Variants in TNRC6B observed in about 807,000 individuals in gnomAD.
TNRC6B encodes trinucleotide repeat-containing gene 6B protein.
TNRC6B carries 52 observed loss-of-function variants against 203.6 expected under a neutral mutation model. That is an observed-to-expected ratio of 0.26 (90% CI 0.20 to 0.32). The LOEUF is 0.32. Ranked by LOEUF, TNRC6B falls within the 10% of genes least tolerant of loss-of-function variation. The pLI, the probability that TNRC6B is intolerant of heterozygous loss-of-function variation, is 1.00. For missense variants in TNRC6B, 1,923 were observed against 2,286.2 expected (o/e 0.84, Z 3.24); for synonymous variants, 838 against 845.7 (o/e 0.99, Z 0.16).
intron 2 of TNRC6B, 170 bp downstream of exon 2, chr22:40,246,272 C>T (rs2146471368): frequency 4.7e-6 from 2 of 426,384 alleles, no homozygotes; most frequent in East Asian, 4.2e-5. Flanking sequence ...TCACTACAAC[C>T]TCCGCTTCCC....
chr22:40,201,581 G>A (rs959696929), intron 1 of TNRC6B, among the ~76,000 whole-genome samples: 17 of 151,686 alleles, frequency 1.1e-4, no homozygotes, highest in Admixed American at 5.3e-4. Context: ...GACTACAGGC[G>A]TACTCTACTA....
chr22:40,225,889 G>C (rs1421592102), intron 1 of TNRC6B, among the ~76,000 whole-genome samples: 1 of 152,140 alleles, frequency 6.6e-6, no homozygotes, highest in Non-Finnish European at 1.5e-5. Flanking sequence ...GTTGAACTGT[G>C]TGTATAGAGA....
chr22:40,111,883 A>G (rs1020266937), intron 1 of TNRC6B, among the ~76,000 whole-genome samples: 1 of 152,200 alleles, frequency 6.6e-6, no homozygotes, highest in African/African-American at 2.4e-5. Context: ...CGGGTGGATC[A>G]CGAGGTCAGG....
rs117287068 is a variant in TNRC6B at position 40,086,628 on chromosome 22, T to A, written c.-120-30427T>A. ...ATGCTTGAACAATGGATGACAGACT[T>A]TTTAATAGATACTTATCAGAATATC... On this transcript the variant is annotated intron_variant, in intron 1 of 23. Coordinates refer to the TNRC6B transcript ENST00000301923. Among the ~76,000 whole-genome samples, 925 of 152,340 alleles carry A rather than the reference T, an allele frequency of 6.1e-3. 4 individuals carry two copies. The highest frequency in any genetic ancestry group is 0.017 in the Middle Eastern group (5 of 294).
At chr22:40,139,361 T>G (rs962622758) in intron 3 of TNRC6B, among the ~76,000 whole-genome samples, 14 of 147,566 alleles carry the variant, frequency 9.5e-5, no homozygotes, top group African/African-American at 3.5e-4. Context: ...GGAGTCTTGC[T>G]CTATGGCCCA....
intron 1 of TNRC6B, among the ~76,000 whole-genome samples, chr22:40,228,485 G>A (rs2069822371): frequency 6.6e-6 from 1 of 150,870 alleles, no homozygotes; most frequent in Non-Finnish European, 1.5e-5. Context: ...ATGTATGTAT[G>A]TTAGAGTATG....
chr22:40,144,411 C>T (rs2068672525), intron 3 of TNRC6B, among the ~76,000 whole-genome samples: 1 of 152,192 alleles, frequency 6.6e-6, no homozygotes, highest in South Asian at 2.1e-4. Flanking sequence ...CGCAGTGGCT[C>T]CCGCCTGTAA....
chr22:40,106,322 G>A, intron 1 of TNRC6B: 2 of 798,390 alleles, frequency 2.5e-6, no homozygotes, highest in South Asian at 2.7e-5. Flanking sequence ...AGACACCTTA[G>A]TTTATTCTTC....
intron 3 of TNRC6B, among the ~76,000 whole-genome samples, chr22:40,145,119 GC>G: frequency 6.6e-6 from 1 of 151,274 alleles, no homozygotes; most frequent in Non-Finnish European, 1.5e-5. Flanking sequence ...GCTGGCACAG[GC>G]CTGTGGTCCC....
chr22:40,274,441 G>A (rs1190114425), intron 7 of TNRC6B, among the ~76,000 whole-genome samples: 1 of 142,730 alleles, frequency 7.0e-6, no homozygotes, highest in Non-Finnish European at 1.5e-5. Flanking sequence ...TTTTTTTTGA[G>A]ACGGAGTCTT....
chr22:40,177,856 T>C, upstream of TNRC6B: 1 of 1,324,138 alleles, frequency 7.6e-7, no homozygotes, highest in Non-Finnish European at 9.6e-7. Flanking sequence ...TCCCCTTTCC[T>C]GATTGACAAA....
intron 1 of TNRC6B, among the ~76,000 whole-genome samples, chr22:40,070,438 A>G (rs1025281186): frequency 3.3e-5 from 5 of 152,188 alleles, no homozygotes; most frequent in African/African-American, 1.2e-4. Flanking sequence ...AAGCTCGTTG[A>G]CAGAGATCTG....
intron 16 of TNRC6B, among the ~76,000 whole-genome samples, chr22:40,309,472 C>T (rs2146561431): frequency 6.6e-6 from 1 of 152,320 alleles, no homozygotes; most frequent in South Asian, 2.1e-4. Context: ...GAAATGCCCA[C>T]GTGGAGCTCT....
rs1248363742 is a variant in TNRC6B, at chr22:40,310,970, C to T, written c.4412C>T (p.Ser1471Phe). The T allele has an allele frequency of 6.2e-7, 1 of 1,608,022 alleles. No individual in the cohort carries two copies. The highest frequency in any genetic ancestry group is 8.5e-7 in the Non-Finnish European group (1 of 1,178,040). ...SPPTNKIGSK[S>F]SNASWPPEFQ... Reference sequence around the variant, plus strand: ...CCAACAAATAAAATCGGAAGTAAATCCAGCAATGCCAGTTGGCCTCCAGGT... The same window carrying T: ...CCAACAAATAAAATCGGAAGTAAATTCAGCAATGCCAGTTGGCCTCCAGGT... Residue 1471 changes from serine to phenylalanine, a missense_variant, in exon 17 of 23, where the codon TCC becomes TTC. Coordinates refer to ENST00000454349, the MANE Select transcript of TNRC6B (RefSeq NM_001162501.2).
chr22:40,086,217 A>G (rs1601807069), intron 1 of TNRC6B, among the ~76,000 whole-genome samples: 1 of 152,266 alleles, frequency 6.6e-6, no homozygotes, highest in East Asian at 1.9e-4. Flanking sequence ...GGTATATTCC[A>G]TTTAGGAAAG....
intron 1 of TNRC6B, among the ~76,000 whole-genome samples, chr22:40,227,167 A>C (rs2146444586): frequency 6.7e-6 from 1 of 148,892 alleles, no homozygotes; most frequent in East Asian, 2.0e-4. Flanking sequence ...GCTGGTCTCA[A>C]ACTCCTGACC....
chr22:40,319,487 G>A lies in TNRC6B; in HGVS notation c.4975-1603G>A, dbSNP rs576020929. 5.4e-5 allele frequency among the ~76,000 whole-genome samples: 8 copies of A among 147,760 alleles called. No individual in the cohort carries two copies. In the South Asian group the frequency reaches 8.5e-4, roughly 16 times the overall value. On this transcript the variant is annotated intron_variant, in intron 21 of 22. Coordinates refer to ENST00000454349, the MANE Select transcript of TNRC6B (RefSeq NM_001162501.2). ...CGCTCAGACTGGAGTGTGCAGTGGC[G>A]CGATCTCCGCTCACTGCAAGCTCCG...
chr22:40,299,427 C>T (rs553752713), intron 12 of TNRC6B, among the ~76,000 whole-genome samples: 2 of 152,034 alleles, frequency 1.3e-5, no homozygotes, highest in Non-Finnish European at 2.9e-5. Flanking sequence ...TTAGTAGAGA[C>T]GGGGTTTCTG....
intron 3 of TNRC6B, among the ~76,000 whole-genome samples, chr22:40,258,238 A>G (rs1220039461): frequency 6.6e-6 from 1 of 152,056 alleles, no homozygotes; most frequent in Non-Finnish European, 1.5e-5. Context: ...ACAAATCCTT[A>G]AGATTCAGAA....
Sources: gnomAD v4.1 joint callset for allele counts (sites outside exome capture counted in the v4.1 genomes callset) on GRCh38, gnomAD v4.1.1 for gene constraint, MANE v1.5 for transcripts, NCBI Gene and HGNC (gene_info 2026-07-23, HGNC 2026-07-21) for gene names.